The following COL17A1 variants were observed in gnomAD, a reference collection of about 807,000 sequenced individuals.
The protein encoded by COL17A1 is collagen type XVII alpha 1 chain.
COL17A1 carries 181 observed loss-of-function variants against 218.4 expected under a neutral mutation model. The ratio of observed to expected loss-of-function variants is 0.83; its 90% CI spans 0.73 to 0.94. The LOEUF (loss-of-function observed/expected upper bound fraction) is 0.94. COL17A1 is among the 40% of genes least tolerant of loss of function. The pLI, the probability that COL17A1 is intolerant of heterozygous loss-of-function variation, is 0.00. For missense variants in COL17A1, 1,924 were observed against 1,945.9 expected (o/e 0.99, Z 0.21); for synonymous variants, 721 against 731.0 (o/e 0.99, Z 0.22).
chr10:104,036,397 G>A, intron 48 of COL17A1, 95 bp downstream of exon 48: 2 of 1,539,556 alleles, frequency 1.3e-6, no homozygotes, highest in South Asian at 1.1e-5. Context: ...CTGGCAGGTG[G>A]GGGTCAGTGG....
chr10:104,055,660 G>T, intron 18 of COL17A1, 122 bp downstream of exon 18: 1 of 1,376,518 alleles, frequency 7.3e-7, no homozygotes, highest in Non-Finnish European at 1.0e-6. Context: ...AGAGGATCAG[G>T]GGAGGAGAGA....
chr10:104,084,342 C>T (rs1481750309), intron 1 of COL17A1, among the ~76,000 whole-genome samples: 2 of 148,244 alleles, frequency 1.3e-5, no homozygotes, highest in Non-Finnish European at 1.5e-5. Flanking sequence ...CGGAGTCTTG[C>T]TGTGTTGCCC....
At position 104,057,235 on chromosome 10, in the gene COL17A1, C is replaced by G; in HGVS notation, c.1268-63G>C. 4 of 1,612,772 alleles carry G rather than the reference C, an allele frequency of 2.5e-6. No individual in the cohort carries two copies. The South Asian group carries it at 4.4e-5, about 18-fold the overall frequency. On this transcript the variant is annotated intron_variant, in intron 16 of 55. Transcript: ENST00000648076. ...AGCTCCTGCCTTTTCCCTCCAGATT[C>G]TCTGACTTTTGGTGACTTTCTGGCC...
intron 48 of COL17A1, 108 bp from the exon 49 acceptor site, chr10:104,035,671 GA>G: frequency 1.2e-6 from 1 of 849,268 alleles, no homozygotes; most frequent in Non-Finnish European, 1.9e-6. Context: ...GTCCAAGAAA[GA>G]AAAGAGATGG....
intron 33 of COL17A1, among the ~76,000 whole-genome samples, chr10:104,045,045 T>C (rs1254131972): frequency 6.6e-6 from 1 of 151,854 alleles, no homozygotes; most frequent in Non-Finnish European, 1.5e-5. Context: ...CTCCATAGAA[T>C]GTCAAAGTTC....
chr10:104,059,691 T>A lies in COL17A1; in HGVS notation c.1169A>T (p.Lys390Ile), dbSNP rs570749300. 1 of 1,614,222 alleles carries A rather than the reference T, an allele frequency of 6.2e-7. No homozygotes were observed. Among genetic ancestry groups the A allele is most frequent in the Non-Finnish European group, 8.5e-7 (1 of 1,180,028 alleles). Residue 390 changes from lysine to isoleucine, a missense_variant, in exon 15 of 56, where the codon AAA becomes ATA. Coordinates refer to ENST00000648076, the MANE Select transcript of COL17A1 (RefSeq NM_000494.4). ...ATSFSEDTLK[K>I]EKQAAYNADS... is the part of the protein sequence containing the mutation. ...AGCATTGTAGGCAGCTTGCTTTTCT[T>A]TTTTTAGGGTGTCTTCTGAAAAAGA... is the stretch of plus-strand genomic sequence containing the variant.
chr10:104,043,663 C>G, intron 34 of COL17A1, 82 bp from the exon 35 acceptor site: 1 of 1,539,354 alleles, frequency 6.5e-7, no homozygotes, highest in African/African-American at 1.4e-5. Context: ...TTGTGGTGGG[C>G]AGCCTGGCAT....
intron 9 of COL17A1, among the ~76,000 whole-genome samples, chr10:104,069,306 C>T (rs1190545272): frequency 1.3e-5 from 2 of 152,154 alleles, no homozygotes; most frequent in East Asian, 1.9e-4. Flanking sequence ...AATCTTAAAA[C>T]AAATTATACC....
chr10:104,033,635 A>G (rs2086239264), intron 52 of COL17A1, among the ~76,000 whole-genome samples: 1 of 152,166 alleles, frequency 6.6e-6, no homozygotes, highest in Non-Finnish European at 1.5e-5. Flanking sequence ...CTTAGCCAAC[A>G]TCCTTCTCTC....
intron 5 of COL17A1, among the ~76,000 whole-genome samples, chr10:104,074,821 G>C (rs1405883136): frequency 6.6e-6 from 1 of 152,232 alleles, no homozygotes; most frequent in African/African-American, 2.4e-5. Context: ...TCACTAGAGT[G>C]TCTGGGCCTT....
In COL17A1 at chr10:104,063,033, T is replaced by A. The variant is rs553024438; in HGVS notation, c.839-704A>T. On this transcript the variant is annotated intron_variant, in intron 11 of 55. Transcript: ENST00000648076. ...AATAAAACATGTAGCCAATGTCTTC[T>A]GGATTTGGTGGGCCTCTAGTCAACT... Among the ~76,000 whole-genome samples, 17 of 152,358 alleles carry A rather than the reference T, an allele frequency of 1.1e-4. No individual in the cohort carries two copies. The East Asian group carries it at 2.9e-3, about 26-fold the overall frequency.
intron 27 of COL17A1, 59 bp downstream of exon 27, chr10:104,050,562 C>T: frequency 6.2e-7 from 1 of 1,612,332 alleles, no homozygotes; most frequent in South Asian, 1.1e-5. Flanking sequence ...AGGGTCCCAT[C>T]TGGGCTCCCA....
At chr10:104,034,903 GA>G (rs2086260284) in intron 50 of COL17A1, 136 bp from the exon 51 acceptor site, 1 of 1,087,532 alleles carries the variant, frequency 9.2e-7, no homozygotes. Context: ...TGGGAGGAGA[GA>G]AAAGCAGGAG....
At chr10:104,051,854 G>A (rs1159028795) in intron 24 of COL17A1, among the ~76,000 whole-genome samples, 1 of 152,168 alleles carries the variant, frequency 6.6e-6, no homozygotes, top group Non-Finnish European at 1.5e-5. Flanking sequence ...CAAGGAAATG[G>A]TCTAACTTCT....
At chr10:104,032,351 C>T (rs1052870972) in intron 55 of COL17A1, 61 bp from the exon 56 acceptor site, 1 of 1,481,644 alleles carries the variant, frequency 6.7e-7, no homozygotes, top group African/African-American at 1.4e-5. Context: ...GGGATCTTGG[C>T]TTGGGCAATT....
In COL17A1 at chr10:104,060,955, C is replaced by A. The variant is rs77201160; in HGVS notation, c.979+450G>T. On this transcript the variant is annotated intron_variant, in intron 13 of 55. Transcript: ENST00000648076. ...AATAAATGAATTGTTGAATGGAAGA[C>A]AACACACTAGGATTAGAACAATGGA... Among the ~76,000 whole-genome samples, 497 of 152,278 alleles carry A rather than the reference C, an allele frequency of 3.3e-3. 1 individual carries two copies. The highest frequency in any genetic ancestry group is 0.011 in the African/African-American group (440 of 41,560).
intron 27 of COL17A1, 123 bp from the exon 28 acceptor site, chr10:104,050,247 G>T: frequency 7.1e-7 from 1 of 1,412,338 alleles, no homozygotes. Flanking sequence ...CCTGTCAGCG[G>T]ATGTTGGTGA....
chr10:104,073,720 C>T (rs1390438924), intron 6 of COL17A1, among the ~76,000 whole-genome samples: 2 of 152,126 alleles, frequency 1.3e-5, no homozygotes, highest in South Asian at 2.1e-4. Context: ...GAACATGGAA[C>T]AAAAACTTAA....
At chr10:104,069,189 C>A (rs2086650496) in intron 9 of COL17A1, among the ~76,000 whole-genome samples, 1 of 152,106 alleles carries the variant, frequency 6.6e-6, no homozygotes, top group Non-Finnish European at 1.5e-5. Flanking sequence ...TACAGAAATG[C>A]CCAAAATAGG....
Sources: allele counts gnomAD v4.1 joint callset (sites outside exome capture counted in the v4.1 genomes callset), GRCh38; gene constraint gnomAD v4.1.1; transcripts MANE v1.5; gene names NCBI Gene and HGNC (gene_info 2026-07-23, HGNC 2026-07-21).